Variants in TBC1D14 observed in about 807,000 individuals in gnomAD.
The protein encoded by TBC1D14 is TBC1 domain family member 14, also known as TBC1 domain family, member 14.
A neutral mutation model predicts 79.0 loss-of-function variants in TBC1D14; 26 were observed. That is an observed-to-expected ratio of 0.33 (90% CI 0.24 to 0.46). TBC1D14 has a LOEUF of 0.46. Ranked by LOEUF, TBC1D14 falls within the 20% of genes least tolerant of loss-of-function variation. The pLI, the probability that TBC1D14 is intolerant of heterozygous loss-of-function variation, is 1.00. For synonymous variants in TBC1D14, 394 were observed against 349.9 expected (o/e 1.13, Z -1.40); for missense variants, 769 against 887.6 (o/e 0.87, Z 1.70).
chr4:7,010,646 C>G lies in TBC1D14; in HGVS notation c.1519-7C>G, dbSNP rs751897894. 4.3e-6 allele frequency: 7 copies of G among 1,610,418 alleles called. No homozygotes were observed. In the African/African-American group the frequency reaches 8.0e-5, roughly 18 times the overall value. ...TGATTTTAACGTGCCTTTCTCTCCT[C>G]TCTCAGGTCCAGGGCATGTCCTTCA... On this transcript the variant is annotated splice_region_variant and splice_polypyrimidine_tract_variant and intron_variant, in intron 10 of 13. Transcript: ENST00000409757.
chr4:6,910,028 A>G lies in TBC1D14; in HGVS notation c.-18+77A>G, dbSNP rs1176109060. The G allele has an allele frequency of 5.4e-5, 8 of 147,268 alleles. No homozygotes were observed. The East Asian group carries it at 1.6e-3, about 29-fold the overall frequency. 9.1% of individuals were successfully genotyped at this position (147,268 alleles called of 1,614,324 possible). Reference sequence around the variant, plus strand: ...GGCGCGCGGGGCCGCCACCTGCTGCAGCGCCGGCCGAGGCGGGGAGCGGCC... The same window carrying G: ...GGCGCGCGGGGCCGCCACCTGCTGCGGCGCCGGCCGAGGCGGGGAGCGGCC... On this transcript the variant is annotated intron_variant, in intron 1 of 13. Transcript: ENST00000409757.
At chr4:6,999,061 G>T in intron 5 of TBC1D14, 24 bp from the exon 6 acceptor site, 1 of 1,610,832 alleles carries the variant, frequency 6.2e-7, no homozygotes, top group South Asian at 1.1e-5. Context: ...GTAGATTGTT[G>T]TTTTTCTAAA....
chr4:6,975,639 A>G lies in TBC1D14; in HGVS notation c.843+8215A>G, dbSNP rs908168356. 4.6e-5 allele frequency among the ~76,000 whole-genome samples: 7 copies of G among 152,252 alleles called. No individual in the cohort carries two copies. In the East Asian group the frequency reaches 1.3e-3, roughly 29 times the overall value. The stretch of plus-strand genomic sequence containing the variant: ...AAGGGTGCACACTTCTGAGATGGGA[A>G]AATAGAAAGTATCAGTAAAGGAAAA... On this transcript the variant is annotated intron_variant, in intron 3 of 13. Transcript: ENST00000409757.
At position 6,999,102 on chromosome 4, in the gene TBC1D14, C is replaced by A. The variant is rs762979993; in HGVS notation, c.1063C>A (p.Arg355=). ...ATTTCTAGAGCTGAAAGAAGCCCAG[C>A]GAAGGAAGAAGCAGCTGGAAGAAAG... ...AKKRELKEAQ[R]RKKQLEERCR... The change falls in exon 6 of 14, where the codon CGA becomes AGA. Residue 355 remains arginine (R), a synonymous_variant. Transcript: ENST00000409757. 2 of 1,613,986 alleles carry A rather than the reference C, an allele frequency of 1.2e-6. No homozygotes were observed. Among genetic ancestry groups the A allele is most frequent in the Non-Finnish European group, 1.7e-6 (2 of 1,179,962 alleles).
intron 13 of TBC1D14, among the ~76,000 whole-genome samples, chr4:7,026,291 C>T (rs1319073168): frequency 6.6e-6 from 1 of 152,184 alleles, no homozygotes; most frequent in Non-Finnish European, 1.5e-5. Flanking sequence ...CCCACCTCTC[C>T]CCTTCCCACC....
chr4:7,002,599 C>T (rs575153145), intron 7 of TBC1D14, among the ~76,000 whole-genome samples: 36 of 152,278 alleles, frequency 2.4e-4, no homozygotes, highest in South Asian at 2.1e-4. Context: ...TTGTGAACCG[C>T]GCAGTGTCAG....
At chr4:6,943,110 G>A (rs561539308) in intron 2 of TBC1D14, among the ~76,000 whole-genome samples, 2 of 152,134 alleles carry the variant, frequency 1.3e-5, no homozygotes, top group African/African-American at 2.4e-5. Flanking sequence ...TGGGTTGTTC[G>A]GTATTACACC....
At chr4:7,011,998 A>G (rs1000072627) in intron 11 of TBC1D14, among the ~76,000 whole-genome samples, 1 of 151,900 alleles carries the variant, frequency 6.6e-6, no homozygotes, top group African/African-American at 2.4e-5. Flanking sequence ...ACATACATAA[A>G]GTATTTAAAA....
At chr4:7,027,406 A>AC (rs779057582) in intron 13 of TBC1D14, among the ~76,000 whole-genome samples, 1 of 100,648 alleles carries the variant, frequency 9.9e-6, no homozygotes, top group African/African-American at 3.9e-5. Flanking sequence ...CCACACAATC[A>AC]CCCCCCACAC....
intron 2 of TBC1D14, among the ~76,000 whole-genome samples, chr4:6,926,174 C>T (rs369059308): frequency 2.0e-5 from 3 of 152,312 alleles, no homozygotes; most frequent in South Asian, 2.1e-4. Flanking sequence ...GTTCTGTCTC[C>T]GCTGCCTCAC....
At chr4:6,976,439 A>G (rs1032908402) in intron 3 of TBC1D14, among the ~76,000 whole-genome samples, 2 of 152,324 alleles carry the variant, frequency 1.3e-5, no homozygotes, top group Admixed American at 6.5e-5. Context: ...AGAGAAGAAC[A>G]ATGTCATACT....
intron 2 of TBC1D14, among the ~76,000 whole-genome samples, chr4:6,933,282 T>C (rs1355858202): frequency 0.56 from 5,858 of 10,478 alleles, 2,226 homozygotes; most frequent in East Asian, 0.72. Context: ...CCCTCCCCCT[T>C]CCCCTTCCCC....
At chr4:7,000,101 T>TTTAA (rs1719509577) in intron 6 of TBC1D14, among the ~76,000 whole-genome samples, 1 of 152,136 alleles carries the variant, frequency 6.6e-6, no homozygotes, top group Non-Finnish European at 1.5e-5. Context: ...GAGCATGCTT[T>TTTAA]TTAAGGCAGT....
intron 2 of TBC1D14, among the ~76,000 whole-genome samples, chr4:6,961,001 T>C (rs4689569): frequency 0.99 from 150,915 of 152,320 alleles, 74,776 homozygotes; most frequent in Middle Eastern, 1. Flanking sequence ...TCCTAATTAT[T>C]AGGACACCGT....
chr4:6,990,739 C>T (rs1382924002), intron 3 of TBC1D14, among the ~76,000 whole-genome samples: 1 of 152,146 alleles, frequency 6.6e-6, no homozygotes, highest in Non-Finnish European at 1.5e-5. Context: ...TCTTGACCGC[C>T]ACAGTGGTCT....
intron 2 of TBC1D14, among the ~76,000 whole-genome samples, chr4:6,926,089 C>T (rs1172502526): frequency 6.6e-6 from 1 of 152,202 alleles, no homozygotes; most frequent in Non-Finnish European, 1.5e-5. Context: ...CCCCTAGAAC[C>T]GTGCGCGGAG....
chr4:6,915,573 G>A (rs7695193), intron 1 of TBC1D14, among the ~76,000 whole-genome samples: 2,664 of 152,214 alleles, frequency 0.018, 87 homozygotes, highest in African/African-American at 0.061. Context: ...TGCATGCCTC[G>A]GTTTCCTCCT....
intron 2 of TBC1D14, among the ~76,000 whole-genome samples, chr4:6,933,897 G>C (rs964595482): frequency 3.3e-5 from 5 of 152,212 alleles, no homozygotes; most frequent in Admixed American, 3.3e-4. Flanking sequence ...GGCTTCACCT[G>C]GGTGGCAGCT....
intron 2 of TBC1D14, among the ~76,000 whole-genome samples, chr4:6,940,710 G>A (rs1016334165): frequency 7.2e-5 from 11 of 152,232 alleles, no homozygotes; most frequent in East Asian, 5.8e-4. Context: ...GATTGAGAGA[G>A]TGCAGTCATA....
Sources: allele counts gnomAD v4.1 joint callset (sites outside exome capture counted in the v4.1 genomes callset), GRCh38; gene constraint gnomAD v4.1.1; transcripts MANE v1.5; gene names NCBI Gene and HGNC (gene_info 2026-07-23, HGNC 2026-07-21).